The following MAPK10 variants were observed in gnomAD, a reference collection of about 807,000 sequenced individuals.
The protein encoded by MAPK10 is mitogen-activated protein kinase 10.
Under a neutral mutation model 59.3 loss-of-function variants are expected in MAPK10, and 25 were observed. The ratio of observed to expected loss-of-function variants is 0.42; its 90% CI spans 0.31 to 0.59. MAPK10 has a LOEUF of 0.59. Among genes scored for constraint, MAPK10 ranks in the 20% least tolerant of loss-of-function variants. The pLI is 0.15. For missense variants in MAPK10, 351 were observed against 568.9 expected, an observed-to-expected ratio of 0.62 and a Z score of 3.90; for synonymous variants, 190 against 200.5, an observed-to-expected ratio of 0.95 and a Z score of 0.44.
intron 2 of MAPK10, among the ~76,000 whole-genome samples, chr4:86,213,563 A>C (rs2086482302): frequency 6.6e-6 from 1 of 152,102 alleles, no homozygotes; most frequent in Non-Finnish European, 1.5e-5. Context: ...GGAATAGGAC[A>C]ATAAGAGATT....
At chr4:86,043,310 A>C (rs191877063) in intron 11 of MAPK10, among the ~76,000 whole-genome samples, 1 of 152,328 alleles carries the variant, frequency 6.6e-6, no homozygotes, top group East Asian at 1.9e-4. Context: ...GTGTGCTGCC[A>C]CCACAGAAAT....
chr4:86,227,055 T>G (rs2090746390), intron 2 of MAPK10, among the ~76,000 whole-genome samples: 1 of 152,242 alleles, frequency 6.6e-6, no homozygotes, highest in Non-Finnish European at 1.5e-5. Flanking sequence ...TGTCACAATT[T>G]GTCTTGTCAG....
intron 4 of MAPK10, among the ~76,000 whole-genome samples, chr4:86,122,005 C>G (rs1393776746): frequency 6.6e-6 from 1 of 152,080 alleles, no homozygotes; most frequent in East Asian, 1.9e-4. Flanking sequence ...TAGTTCATCC[C>G]TAAAGAACTC....
chr4:86,053,938 T>G (rs1027937277), intron 11 of MAPK10, among the ~76,000 whole-genome samples: 5 of 152,166 alleles, frequency 3.3e-5, no homozygotes, highest in Non-Finnish European at 5.9e-5. Flanking sequence ...ATGAAATGTT[T>G]TAGAAAAATA....
Position 86,541,164 on chromosome 4 carries a change from C to A in MAPK10, c.-263+52746G>T, listed in dbSNP as rs1370070377. Among the ~76,000 whole-genome samples, 5 of 152,120 alleles carry A rather than the reference C, an allele frequency of 3.3e-5. No homozygotes were observed. In the South Asian group the frequency reaches 1.0e-3, roughly 32 times the overall value. ...AAGGGGCATGGGAGAGATCTGGGAA[C>A]AATGCGACAGCTGGCTTATGGGGAA... On this transcript the variant is annotated intron_variant, in intron 1 of 4. Transcript: ENST00000502302.
At chr4:86,124,789 C>A (rs571369734) in intron 4 of MAPK10, 1 of 151,968 alleles carries the variant, frequency 6.6e-6, no homozygotes, top group South Asian at 2.1e-4. Flanking sequence ...CTATGTGGCA[C>A]CTGGTGTAAT....
chr4:86,054,849 T>C (rs1307572805), intron 11 of MAPK10, among the ~76,000 whole-genome samples: 1 of 152,022 alleles, frequency 6.6e-6, no homozygotes, highest in East Asian at 1.9e-4. Flanking sequence ...TAATAAGAAA[T>C]CCAAAGACTC....
chr4:86,304,319 C>T (rs1266424307), intron 2 of MAPK10, among the ~76,000 whole-genome samples: 3 of 149,992 alleles, frequency 2.0e-5, no homozygotes, highest in African/African-American at 4.9e-5. Flanking sequence ...TTTTTTGTTT[C>T]TTCACCCTTA....
intron 9 of MAPK10, chr4:86,081,454 C>T (rs1478970765): frequency 6.6e-6 from 1 of 151,216 alleles, no homozygotes. Flanking sequence ...ATAAAACTCA[C>T]AAAAATTAGG....
At chr4:86,131,455 T>C (rs902514603) in intron 4 of MAPK10, among the ~76,000 whole-genome samples, 2 of 152,202 alleles carry the variant, frequency 1.3e-5, no homozygotes, top group Non-Finnish European at 2.9e-5. Context: ...CAGTTAGGAA[T>C]GGACCTACTT....
intron 11 of MAPK10, among the ~76,000 whole-genome samples, chr4:86,060,652 A>C (rs2045569500): frequency 6.6e-6 from 1 of 152,130 alleles, no homozygotes; most frequent in Non-Finnish European, 1.5e-5. Context: ...GAAGATATTA[A>C]ACTGAGTTCC....
intron 4 of MAPK10, chr4:86,125,341 T>A (rs2059906313): frequency 6.6e-6 from 1 of 151,660 alleles, no homozygotes; most frequent in Non-Finnish European, 1.5e-5. Flanking sequence ...TTCTTCTCAT[T>A]AAAAAAAATT....
chr4:86,158,406 G>A (rs1313957161), intron 4 of MAPK10, among the ~76,000 whole-genome samples: 2 of 151,768 alleles, frequency 1.3e-5, no homozygotes, highest in African/African-American at 4.8e-5. Flanking sequence ...GTGATTTGCT[G>A]TAAATTCATC....
chr4:86,217,600 T>A (rs2148628159), intron 2 of MAPK10, among the ~76,000 whole-genome samples: 1 of 152,280 alleles, frequency 6.6e-6, no homozygotes, highest in African/African-American at 2.4e-5. Flanking sequence ...CACAGAATAC[T>A]CAGCATGTAA....
At chr4:86,316,564 C>T (rs1164449928) in intron 2 of MAPK10, among the ~76,000 whole-genome samples, 1 of 152,116 alleles carries the variant, frequency 6.6e-6, no homozygotes, top group African/African-American at 2.4e-5. Context: ...ATTTAACATA[C>T]AGGTGAATTT....
chr4:86,374,289 G>C (rs181769029), intron 1 of MAPK10, among the ~76,000 whole-genome samples: 1,530 of 152,206 alleles, frequency 0.01, 13 homozygotes, highest in African/African-American at 0.027. Context: ...ATAGCATTGG[G>C]AGAAATACCT....
intron 1 of MAPK10, among the ~76,000 whole-genome samples, chr4:86,377,336 G>A (rs954185222): frequency 2.6e-5 from 4 of 152,184 alleles, no homozygotes; most frequent in African/African-American, 9.6e-5. Flanking sequence ...AGTTCCAGAA[G>A]AAAAGGTGAT....
At chr4:86,031,470 T>C in intron 11 of MAPK10, 39 bp from the exon 12 acceptor site, 2 of 1,437,102 alleles carry the variant, frequency 1.4e-6, no homozygotes, top group Non-Finnish European at 2.0e-6. Context: ...TGTGTGATAA[T>C]GTAAACATAA....
intron 2 of MAPK10, among the ~76,000 whole-genome samples, chr4:86,292,018 T>G (rs2095242543): frequency 6.6e-6 from 1 of 152,178 alleles, no homozygotes; most frequent in Non-Finnish European, 1.5e-5. Flanking sequence ...TTTATTTCAC[T>G]AATTGAGCCC....
Sources: allele counts gnomAD v4.1 joint callset (sites outside exome capture counted in the v4.1 genomes callset), GRCh38; gene constraint gnomAD v4.1.1; transcripts MANE v1.5; gene names NCBI Gene and HGNC (gene_info 2026-07-23, HGNC 2026-07-21).